The following ITGA8 variants were observed in gnomAD, a reference collection of about 807,000 sequenced individuals.
ITGA8 encodes the protein integrin alpha-8.
A neutral mutation model predicts 142.3 loss-of-function variants in ITGA8; 91 were observed. The observed-to-expected ratio is 0.64, with a 90% CI of 0.54 to 0.76. The LOEUF is 0.76. Among genes scored for constraint, ITGA8 ranks in the 30% least tolerant of loss-of-function variants. The probability of loss-of-function intolerance (pLI) is 0.00; values close to 1 mark genes in which losing one functional copy is unlikely to be tolerated. For synonymous variants in ITGA8, 505 were observed against 485.2 expected, an observed-to-expected ratio of 1.04 and a Z score of -0.54; for missense variants, 1,406 against 1,327.7, an observed-to-expected ratio of 1.06 and a Z score of -0.92.
At chr10:15,598,738 C>A (rs1421793005) in intron 20 of ITGA8, among the ~76,000 whole-genome samples, 1 of 152,194 alleles carries the variant, frequency 6.6e-6, no homozygotes, top group African/African-American at 2.4e-5. Context: ...GATACACAGA[C>A]ACATGGAAAT....
At position 15,719,762 on chromosome 10, in the gene ITGA8, C is replaced by T. The variant is rs954924513; in HGVS notation, c.10G>A (p.Gly4Arg). The change falls in exon 1 of 30, where the codon GGG becomes AGG. Residue 4 changes from glycine (G) to arginine (R), a missense_variant. Coordinates refer to ENST00000378076, the MANE Select transcript of ITGA8 (RefSeq NM_003638.3). Reference protein sequence around the residue: MSPGASRGPRGSQA... With the variant: MSPRASRGPRGSQA... ...CTTCCCCGGGGACCGCGGCTGGCCC[C>T]GGGCGACATCTCCCTCCGCCCCGGT... is the stretch of plus-strand genomic sequence containing the variant. 7 of 1,350,780 alleles carry T rather than the reference C, an allele frequency of 5.2e-6. No homozygotes were observed. The highest frequency in any genetic ancestry group is 8.4e-5 in the Admixed American group (2 of 23,876). The allele number at this position is 1,350,780 out of a possible 1,614,324, so 83.7% of individuals were successfully genotyped here.
rs749174345 is a variant in ITGA8, at chr10:15,516,870, C to T, written c.*288G>A. 4.5e-5 allele frequency: 12 copies of T among 264,322 alleles called. No individual in the cohort carries two copies. Among genetic ancestry groups the T allele is most frequent in the South Asian group, 2.6e-4 (5 of 19,462 alleles). The allele number at this position is 264,322 out of a possible 1,614,324, so 16.4% of individuals were successfully genotyped here. On this transcript the variant is annotated 3_prime_UTR_variant, in exon 30 of 30. Transcript: ENST00000378076. The stretch of plus-strand genomic sequence containing the variant: ...CTGGACTGCAACTTACGTTCCCATA[C>T]GCATTTCAAAGTGTCTGCCAAGTAC...
chr10:15,656,212 G>A lies in ITGA8; in HGVS notation c.949-806C>T, dbSNP rs79682203. Among the ~76,000 whole-genome samples, 99 of 152,232 alleles carry A rather than the reference G, an allele frequency of 6.5e-4. No homozygotes were observed. In the East Asian group the frequency reaches 0.012, roughly 18 times the overall value. On this transcript the variant is annotated intron_variant, in intron 10 of 29. Transcript: ENST00000378076. ...AAGAGAAGAGTTAGGTAAGATTTACGCTTCCTGCTTCAGAGGAAGCATAAA... is the reference window on the plus strand; with the variant it reads ...AAGAGAAGAGTTAGGTAAGATTTACACTTCCTGCTTCAGAGGAAGCATAAA...
intron 13 of ITGA8, among the ~76,000 whole-genome samples, chr10:15,639,831 A>G (rs1184440041): frequency 6.6e-6 from 1 of 152,214 alleles, no homozygotes; most frequent in Non-Finnish European, 1.5e-5. Context: ...AAAGCTTTCC[A>G]CGTGATTTTA....
At chr10:15,565,827 T>TGATC (rs1048995737) in intron 25 of ITGA8, among the ~76,000 whole-genome samples, 1 of 151,868 alleles carries the variant, frequency 6.6e-6, no homozygotes, top group African/African-American at 2.4e-5. Context: ...TGACTTCAAG[T>TGATC]GATCCTCCTG....
At chr10:15,713,384 A>C (rs1273857411) in intron 2 of ITGA8, among the ~76,000 whole-genome samples, 2 of 152,148 alleles carry the variant, frequency 1.3e-5, no homozygotes, top group Non-Finnish European at 2.9e-5. Flanking sequence ...CTCATTGTTA[A>C]GTCTTGAAAA....
chr10:15,719,760 C>T lies in ITGA8; in HGVS notation c.12G>A (p.Gly4=), dbSNP rs1268075304. The change falls in exon 1 of 30, where the codon GGG becomes GGA. Residue 4 remains glycine (G), a synonymous_variant. Coordinates refer to ENST00000378076, the MANE Select transcript of ITGA8 (RefSeq NM_003638.3). Reference sequence around the variant, plus strand: ...GGCTTCCCCGGGGACCGCGGCTGGCCCCGGGCGACATCTCCCTCCGCCCCG... The same window carrying T: ...GGCTTCCCCGGGGACCGCGGCTGGCTCCGGGCGACATCTCCCTCCGCCCCG... MSP[G]ASRGPRGSQA... 1 of 1,353,520 alleles carries T rather than the reference C, an allele frequency of 7.4e-7. No individual in the cohort carries two copies. 83.8% of individuals were successfully genotyped at this position (1,353,520 alleles called of 1,614,324 possible). A position where few individuals can be genotyped will look rare whatever the true frequency, so the allele number is the denominator to read the frequency against.
chr10:15,671,546 C>A (rs976064181), intron 8 of ITGA8, 57 bp downstream of exon 8: 31 of 1,423,618 alleles, frequency 2.2e-5, no homozygotes, highest in South Asian at 3.5e-5. Context: ...ACTTTATATG[C>A]CATTTTACCA....
chr10:15,672,025 A>G (rs1834532726), intron 7 of ITGA8, among the ~76,000 whole-genome samples: 1 of 152,142 alleles, frequency 6.6e-6, no homozygotes, highest in Non-Finnish European at 1.5e-5. Flanking sequence ...ACTCTGAAAG[A>G]TTTCCTTTGG....
At chr10:15,570,471 G>A (rs766695818) in intron 25 of ITGA8, among the ~76,000 whole-genome samples, 14 of 151,978 alleles carry the variant, frequency 9.2e-5, no homozygotes, top group Non-Finnish European at 1.5e-4. Context: ...TTAGTCAGAC[G>A]TGGTGGTACA....
chr10:15,653,979 C>A (rs549272752), intron 11 of ITGA8, among the ~76,000 whole-genome samples: 2 of 152,116 alleles, frequency 1.3e-5, no homozygotes, highest in Admixed American at 6.5e-5. Context: ...GGATTACAGG[C>A]ACCCACCACC....
chr10:15,558,115 G>A lies in ITGA8; in HGVS notation c.2725C>T (p.His909Tyr). 6.8e-6 allele frequency: 11 copies of A among 1,614,174 alleles called. No individual in the cohort carries two copies. Among genetic ancestry groups the A allele is most frequent in the Non-Finnish European group, 9.3e-6 (11 of 1,180,036 alleles). ...IPHLVRKRDV[H>Y]VVEFHRQSPA... Reference sequence around the variant, plus strand: ...CTCTGTCTGTGGAATTCGACCACATGTACATCCCTCTTCCTGACAAGATGA... The same window carrying A: ...CTCTGTCTGTGGAATTCGACCACATATACATCCCTCTTCCTGACAAGATGA... Residue 909 changes from histidine (H) to tyrosine (Y), a missense_variant, in exon 26 of 30, where the codon CAT (histidine) becomes TAT (tyrosine). Coordinates refer to ENST00000378076, the MANE Select transcript of ITGA8 (RefSeq NM_003638.3).
At chr10:15,719,255 G>A (rs1021791060) in intron 1 of ITGA8, among the ~76,000 whole-genome samples, 10 of 152,232 alleles carry the variant, frequency 6.6e-5, no homozygotes, top group Non-Finnish European at 1.3e-4. Context: ...TCGCTGTGGT[G>A]GCGGTTTTAA....
At chr10:15,679,250 A>G (rs1834690876) in intron 4 of ITGA8, among the ~76,000 whole-genome samples, 2 of 152,172 alleles carry the variant, frequency 1.3e-5, no homozygotes, top group South Asian at 4.1e-4. Flanking sequence ...ACCAATAAGC[A>G]TTTCCACTGT....
At chr10:15,555,098 C>A (rs372737196) in intron 26 of ITGA8, among the ~76,000 whole-genome samples, 1 of 152,134 alleles carries the variant, frequency 6.6e-6, no homozygotes, top group Admixed American at 6.6e-5. Context: ...CCCAAAGCAT[C>A]CTTGAACATT....
Position 15,719,843 on chromosome 10 carries a change from G to C in ITGA8, c.-72C>G. The C allele has an allele frequency of 3.5e-6, 4 of 1,133,632 alleles. No individual in the cohort carries two copies. Among genetic ancestry groups the C allele is most frequent in the Non-Finnish European group, 4.5e-6 (4 of 880,978 alleles). The allele number at this position is 1,133,632 out of a possible 1,614,324, so 70.2% of individuals were successfully genotyped here. On this transcript the variant is annotated 5_prime_UTR_variant, in exon 1 of 30. Coordinates refer to ENST00000378076, the MANE Select transcript of ITGA8 (RefSeq NM_003638.3). ...GGACCCCTGCGGGGCAAGGGGGGCT[G>C]GTGGAATCTGGCGGTCCCCAGCTGC... is the stretch of plus-strand genomic sequence containing the variant.
chr10:15,666,534 G>A (rs936188195), intron 8 of ITGA8, among the ~76,000 whole-genome samples: 1 of 152,082 alleles, frequency 6.6e-6, no homozygotes, highest in Non-Finnish European at 1.5e-5. Context: ...TGATTGCCGT[G>A]GCCAGAACTT....
intron 8 of ITGA8, among the ~76,000 whole-genome samples, chr10:15,666,919 C>T (rs1049041540): frequency 2.0e-5 from 3 of 152,174 alleles, no homozygotes; most frequent in Non-Finnish European, 4.4e-5. Flanking sequence ...ATTCGGTTTG[C>T]CAGTACTTTA....
chr10:15,572,380 G>A lies in ITGA8; in HGVS notation c.2479-11C>T, dbSNP rs985849855. On this transcript the variant is annotated splice_polypyrimidine_tract_variant and intron_variant, in intron 24 of 29. Coordinates refer to ENST00000378076, the MANE Select transcript of ITGA8 (RefSeq NM_003638.3). ...TCCAATATTGTGCAGCTGTAAACAAGTGACATGTTATCTAATGACCCAGCA... is the reference window on the plus strand; with the variant it reads ...TCCAATATTGTGCAGCTGTAAACAAATGACATGTTATCTAATGACCCAGCA... 3.7e-6 allele frequency: 6 copies of A among 1,613,048 alleles called. No individual in the cohort carries two copies. Among genetic ancestry groups the A allele is most frequent in the African/African-American group, 1.3e-5 (1 of 75,006 alleles).
Sources: allele counts gnomAD v4.1 joint callset (sites outside exome capture counted in the v4.1 genomes callset), GRCh38; gene constraint gnomAD v4.1.1; transcripts MANE v1.5; gene names NCBI Gene and HGNC (gene_info 2026-07-23, HGNC 2026-07-21).